Variants in MAP3K4 observed in about 807,000 individuals in gnomAD.
The protein encoded by MAP3K4 is mitogen-activated protein kinase kinase kinase 4.
A neutral mutation model predicts 185.6 loss-of-function variants in MAP3K4; 67 were observed. The observed-to-expected ratio is 0.36, with a 90% CI of 0.30 to 0.44. MAP3K4 has a LOEUF of 0.44. MAP3K4 is among the 20% of genes least tolerant of loss of function. The probability of loss-of-function intolerance (pLI) is 1.00; values close to 1 mark genes in which losing one functional copy is unlikely to be tolerated. For synonymous variants in MAP3K4, 702 were observed against 710.4 expected, an observed-to-expected ratio of 0.99 and a Z score of 0.19; for missense variants, 1,551 against 1,995.1, an observed-to-expected ratio of 0.78 and a Z score of 4.24.
In MAP3K4 at chr6:161,051,612, A is replaced by G. The variant is rs1382077157; in HGVS notation, c.1707+1633A>G. 1.3e-5 allele frequency among the ~76,000 whole-genome samples: 2 copies of G among 152,218 alleles called. No individual in the cohort carries two copies. The highest frequency in any genetic ancestry group is 2.9e-5 in the Non-Finnish European group (2 of 68,034). Reference sequence around the variant, plus strand: ...GTTTTGAAGTAACATGAGTGAAGAAAAAAGTCCTGGCAGTACCAACATCCC... The same window carrying G: ...GTTTTGAAGTAACATGAGTGAAGAAGAAAGTCCTGGCAGTACCAACATCCC... On this transcript the variant is annotated intron_variant, in intron 3 of 26. Coordinates refer to ENST00000392142, the MANE Select transcript of MAP3K4 (RefSeq NM_005922.4). The surrounding 1 kb of genome is among the most constrained non-coding windows in gnomAD (Gnocchi z 4.2).
chr6:161,087,658 C>G lies in MAP3K4; in HGVS notation c.2557-30C>G. 6.2e-7 allele frequency: 1 copy of G among 1,610,542 alleles called. No individual in the cohort carries two copies. The highest frequency in any genetic ancestry group is 1.3e-5 in the African/African-American group (1 of 74,980). ...ACCTATTTCTCTAATGTACAGTGTT[C>G]CTTAAGATTTTGGATTATGTCTTTT... is the stretch of plus-strand genomic sequence containing the variant. On this transcript the variant is annotated intron_variant, in intron 9 of 26. Transcript: ENST00000392142. The surrounding 1 kb of genome is among the most constrained non-coding windows in gnomAD (Gnocchi z 4.9).
In MAP3K4 at chr6:161,023,583, G is replaced by A. The variant is rs544118977; in HGVS notation, c.153-10676G>A. Among the ~76,000 whole-genome samples the A allele has an allele frequency of 2.6e-5, 4 of 152,336 alleles. No homozygotes were observed. The South Asian group carries it at 8.3e-4, about 32-fold the overall frequency. On this transcript the variant is annotated intron_variant, in intron 1 of 26. Transcript: ENST00000392142. Reference sequence around the variant, plus strand: ...TATGGCACTGGTGCATGGATCAGATGCTGCTATGATGATTGTTACAATAAA... The same window carrying A: ...TATGGCACTGGTGCATGGATCAGATACTGCTATGATGATTGTTACAATAAA...
chr6:161,005,198 G>A (rs1781525609), intron 1 of MAP3K4, among the ~76,000 whole-genome samples: 1 of 151,314 alleles, frequency 6.6e-6, no homozygotes, highest in East Asian at 1.9e-4. Flanking sequence ...GGGTGCGGTG[G>A]TACCATCATG....
chr6:161,058,751 C>T (rs1419126885), intron 3 of MAP3K4, among the ~76,000 whole-genome samples: 1 of 151,208 alleles, frequency 6.6e-6, no homozygotes, highest in East Asian at 1.9e-4. Flanking sequence ...TGGATCTGTC[C>T]TTGTAGATAT....
At chr6:161,081,960 A>G (rs1785480796) in intron 6 of MAP3K4, among the ~76,000 whole-genome samples, 1 of 151,880 alleles carries the variant, frequency 6.6e-6, no homozygotes, top group Non-Finnish European at 1.5e-5. Context: ...TCTGCTGCCT[A>G]CCCTGTCTCC....
At position 161,112,681 on chromosome 6, in the gene MAP3K4, T is replaced by G. The variant is rs771879760; in HGVS notation, c.4533T>G (p.Pro1511=). 1 of 1,593,830 alleles carries G rather than the reference T, an allele frequency of 6.3e-7. No individual in the cohort carries two copies. The highest frequency in any genetic ancestry group is 8.5e-7 in the Non-Finnish European group (1 of 1,171,936). ...TGACTTTTAAAGCATACATGGCACC[T>G]GAAGTCATCACTCGTGCCAAAGGAG... ...STLGTAAYMA[P]EVITRAKGEG... Residue 1511 remains proline, a synonymous_variant, in exon 25 of 27, where the codon CCT becomes CCG. Transcript: ENST00000392142. This position sits in a 1 kb window ranked among gnomAD's most constrained non-coding sequence, Gnocchi z 5.1.
At chr6:161,040,474 C>G (rs1287846572) in intron 2 of MAP3K4, among the ~76,000 whole-genome samples, 2 of 152,162 alleles carry the variant, frequency 1.3e-5, no homozygotes, top group African/African-American at 4.8e-5. Flanking sequence ...TTGTGGGTCC[C>G]TGGAAACTGA....
rs1777609842 is a variant in MAP3K4, at chr6:161,097,165, A to G, written c.3513A>G (p.Pro1171=). 1 of 1,613,760 alleles carries G rather than the reference A, an allele frequency of 6.2e-7. No individual in the cohort carries two copies. Among genetic ancestry groups the G allele is most frequent in the Non-Finnish European group, 8.5e-7 (1 of 1,179,796 alleles). Residue 1171 remains proline, a synonymous_variant, in exon 16 of 27, where the codon CCA becomes CCG. Transcript: ENST00000392142. The surrounding 1 kb of genome is among the most constrained non-coding windows in gnomAD (Gnocchi z 4.9). ...PPNPHLIIPT[P]EGFSTRSMPS... Reference sequence around the variant, plus strand: ...ACCCACACCTCATTATCCCCACTCCAGAGGGATTCAGGTATTTGGTGCTTA... The same window carrying G: ...ACCCACACCTCATTATCCCCACTCCGGAGGGATTCAGGTATTTGGTGCTTA...
intron 1 of MAP3K4, among the ~76,000 whole-genome samples, chr6:160,994,931 C>T (rs1780922107): frequency 1.3e-5 from 2 of 152,142 alleles, no homozygotes; most frequent in Non-Finnish European, 2.9e-5. Flanking sequence ...GAACTCCTGA[C>T]CTCGTGATCC....
chr6:161,078,666 A>G (rs1265765161), intron 5 of MAP3K4, among the ~76,000 whole-genome samples: 1 of 152,150 alleles, frequency 6.6e-6, no homozygotes, highest in East Asian at 1.9e-4. Flanking sequence ...AAGTGGAGAA[A>G]GGGCCACTGG....
intron 1 of MAP3K4, among the ~76,000 whole-genome samples, chr6:161,016,229 T>C (rs549496794): frequency 6.6e-6 from 1 of 152,238 alleles, no homozygotes; most frequent in Admixed American, 6.5e-5. Flanking sequence ...ATTTTAAGAG[T>C]TCTTTGTATA....
chr6:161,060,758 T>TA (rs747433899), intron 3 of MAP3K4, among the ~76,000 whole-genome samples: 5 of 152,182 alleles, frequency 3.3e-5, no homozygotes, highest in East Asian at 3.9e-4. Flanking sequence ...TAGCTGGGAT[T>TA]ACAGGCATGC....
intron 1 of MAP3K4, among the ~76,000 whole-genome samples, chr6:161,024,349 T>C (rs113872624): frequency 6.6e-6 from 1 of 152,286 alleles, no homozygotes; most frequent in Non-Finnish European, 1.5e-5. Flanking sequence ...GTTTCCCCTT[T>C]TATTAAATTT....
At position 161,106,506 on chromosome 6, in the gene MAP3K4, C is replaced by T. The variant is rs1474921372; in HGVS notation, c.3857-8C>T. 3 of 1,595,576 alleles carry T rather than the reference C, an allele frequency of 1.9e-6. No homozygotes were observed. The highest frequency in any genetic ancestry group is 1.4e-5 in the African/African-American group (1 of 73,814). ...TTGGGACTAATGAGGTTTTGGTTCT[C>T]TCTGCAGATACTGCTTCTAAACTAG... On this transcript the variant is annotated splice_region_variant and splice_polypyrimidine_tract_variant and intron_variant, in intron 19 of 26. Transcript: ENST00000392142. The surrounding 1 kb of genome is among the most constrained non-coding windows in gnomAD (Gnocchi z 4.9).
At position 161,022,465 on chromosome 6, in the gene MAP3K4, C is replaced by T. The variant is rs769887458; in HGVS notation, c.153-11794C>T. On this transcript the variant is annotated intron_variant, in intron 1 of 26. Transcript: ENST00000392142. This position sits in a 1 kb window ranked among gnomAD's most constrained non-coding sequence, Gnocchi z 4.2. Reference sequence around the variant, plus strand: ...TTCACCAAAGATGTGAGTCCTAGAGCGGACCAGAGAACTGGCTCTCTGAAC... The same window carrying T: ...TTCACCAAAGATGTGAGTCCTAGAGTGGACCAGAGAACTGGCTCTCTGAAC... Among the ~76,000 whole-genome samples, 2 of 152,186 alleles carry T rather than the reference C, an allele frequency of 1.3e-5. No homozygotes were observed. Among genetic ancestry groups the T allele is most frequent in the African/African-American group, 2.4e-5 (1 of 41,454 alleles).
intron 2 of MAP3K4, among the ~76,000 whole-genome samples, chr6:161,035,848 C>A (rs1783140784): frequency 6.6e-6 from 1 of 152,096 alleles, no homozygotes; most frequent in African/African-American, 2.4e-5. Context: ...TTGATTCATA[C>A]TATTTTAGAA....
chr6:161,006,051 G>A (rs999508435), intron 1 of MAP3K4, among the ~76,000 whole-genome samples: 8 of 152,358 alleles, frequency 5.3e-5, no homozygotes, highest in Non-Finnish European at 7.3e-5. Context: ...CTCCCAAAGT[G>A]CTGGGATTAC....
chr6:161,096,462 C>T lies in MAP3K4; in HGVS notation c.3428-618C>T, dbSNP rs1777578087. 6.6e-6 allele frequency among the ~76,000 whole-genome samples: 1 copy of T among 152,060 alleles called. No homozygotes were observed. Among genetic ancestry groups the T allele is most frequent in the East Asian group, 1.9e-4 (1 of 5,196 alleles). Reference sequence around the variant, plus strand: ...CTAGTTATTGGGAAAGTGGAATTATCAGCATATTTGTAATCACTAGGTAAG... The same window carrying T: ...CTAGTTATTGGGAAAGTGGAATTATTAGCATATTTGTAATCACTAGGTAAG... On this transcript the variant is annotated intron_variant, in intron 15 of 26. Transcript: ENST00000392142. This position sits in a 1 kb window ranked among gnomAD's most constrained non-coding sequence, Gnocchi z 4.9.
chr6:161,015,272 A>G (rs562253153), intron 1 of MAP3K4, among the ~76,000 whole-genome samples: 1 of 151,004 alleles, frequency 6.6e-6, no homozygotes, highest in Non-Finnish European at 1.5e-5. Context: ...ACACATGGAC[A>G]CATGGGGGGG....
Sources: gnomAD v4.1 joint callset for allele counts (sites outside exome capture counted in the v4.1 genomes callset) on GRCh38, gnomAD v4.1.1 for gene constraint, Gnocchi (gnomAD v3.1) non-coding constraint, MANE v1.5 for transcripts, NCBI Gene and HGNC (gene_info 2026-07-23, HGNC 2026-07-21) for gene names.